Variants in DDX43 observed in about 807,000 individuals in gnomAD.
DDX43 encodes probable ATP-dependent RNA helicase DDX43.
DDX43 carries 50 observed loss-of-function variants against 84.9 expected under a neutral mutation model. The observed-to-expected ratio is 0.59, with a 90% CI of 0.47 to 0.75. The LOEUF (loss-of-function observed/expected upper bound fraction) is 0.75. DDX43 is among the 30% of genes least tolerant of loss of function. DDX43 has a pLI of 0.00. For synonymous variants in DDX43, 291 were observed against 266.3 expected, an observed-to-expected ratio of 1.09 and a Z score of -0.90; for missense variants, 689 against 798.6, an observed-to-expected ratio of 0.86 and a Z score of 1.65.
intron 6 of DDX43, among the ~76,000 whole-genome samples, 190 bp downstream of exon 6, chr6:73,406,025 C>CT (rs149776059): frequency 0.024 from 3,218 of 135,628 alleles, 106 homozygotes; most frequent in African/African-American, 0.074. Context: ...AAAATATGTA[C>CT]TTTTTTTTTT....
intron 11 of DDX43, among the ~76,000 whole-genome samples, chr6:73,412,650 TGTGTGTGTGTGTGTGTGTGCGCGCGCGC>T (rs1171942704): frequency 1.2e-5 from 1 of 82,980 alleles, no homozygotes; most frequent in East Asian, 3.4e-4. Context: ...TGTGTGTGTG[TGTGTGTGTGTGTGTGTGTGCGCGCGCGC>T]GTGTGTGTGT....
At chr6:73,395,708 T>A (rs1769457441) in intron 1 of DDX43, among the ~76,000 whole-genome samples, 2 of 151,324 alleles carry the variant, frequency 1.3e-5, no homozygotes, top group African/African-American at 4.9e-5. Context: ...ACTTATGAAA[T>A]CTTAGGGCTG....
intron 11 of DDX43, among the ~76,000 whole-genome samples, chr6:73,413,074 A>G (rs1025450155): frequency 1.3e-5 from 2 of 152,182 alleles, no homozygotes; most frequent in Non-Finnish European, 2.9e-5. Flanking sequence ...ACCCTGTTAG[A>G]ATCAGGGTCT....
Position 73,394,848 on chromosome 6 carries a change from C to G in DDX43, c.-58C>G. The G allele has an allele frequency of 6.3e-7, 1 of 1,586,354 alleles. No homozygotes were observed. Among genetic ancestry groups the G allele is most frequent in the Non-Finnish European group, 8.6e-7 (1 of 1,165,920 alleles). On this transcript the variant is annotated 5_prime_UTR_variant, in exon 1 of 17. Coordinates refer to ENST00000370336, the MANE Select transcript of DDX43 (RefSeq NM_018665.3). Reference sequence around the variant, plus strand: ...CTGGCACGCTACTCTTACGACGTCACGGTCAGGTGGTGCAGAGCTGGACGG... The same window carrying G: ...CTGGCACGCTACTCTTACGACGTCAGGGTCAGGTGGTGCAGAGCTGGACGG...
At chr6:73,411,333 CT>C (rs55782182) in intron 10 of DDX43, among the ~76,000 whole-genome samples, 3,478 of 141,096 alleles carry the variant, frequency 0.025, 49 homozygotes, top group South Asian at 0.063. Context: ...TCTTTTCTTT[CT>C]TTTTTTTTTT....
intron 9 of DDX43, 91 bp downstream of exon 9, chr6:73,408,192 T>G: frequency 7.3e-7 from 1 of 1,372,384 alleles, no homozygotes; most frequent in Non-Finnish European, 1.0e-6. Context: ...CCGAGCACTT[T>G]GGGAGGCCGA....
At chr6:73,414,431 T>C in intron 13 of DDX43, 117 bp from the exon 14 acceptor site, 1 of 949,348 alleles carries the variant, frequency 1.1e-6, no homozygotes. Flanking sequence ...AAGTAAGCAT[T>C]TTAATGTAAA....
At chr6:73,402,127 C>G (rs1769587003) in intron 4 of DDX43, 137 bp downstream of exon 4, 3 of 1,084,212 alleles carry the variant, frequency 2.8e-6, no homozygotes, top group Admixed American at 2.6e-5. Context: ...GCAATTAGTC[C>G]CTAGGTTATG....
At chr6:73,398,564 C>T (rs894200021) in intron 2 of DDX43, among the ~76,000 whole-genome samples, 2 of 142,786 alleles carry the variant, frequency 1.4e-5, no homozygotes, top group East Asian at 1.9e-4. Flanking sequence ...AGGTAAAAAT[C>T]GTTAGAGATA....
chr6:73,398,984 C>T (rs571899148), intron 2 of DDX43, among the ~76,000 whole-genome samples: 1 of 152,236 alleles, frequency 6.6e-6, no homozygotes, highest in Non-Finnish European at 1.5e-5. Flanking sequence ...CTTGCTCTGT[C>T]GCCCAGGCTG....
intron 1 of DDX43, among the ~76,000 whole-genome samples, chr6:73,396,355 C>G (rs771281969): frequency 5.3e-5 from 8 of 152,162 alleles, no homozygotes; most frequent in Non-Finnish European, 1.0e-4. Flanking sequence ...GTGTATTTCA[C>G]CCTTTTTAAA....
chr6:73,401,801 CAAAAAAAAAAA>C (rs60478350), intron 3 of DDX43, 47 bp from the exon 4 acceptor site: 3 of 1,086,860 alleles, frequency 2.8e-6, no homozygotes, highest in Non-Finnish European at 3.6e-6. Context: ...GACTCCATCT[CAAAAAAAAAAA>C]AAAAAAAAAA....
intron 1 of DDX43, 89 bp downstream of exon 1, chr6:73,395,244 C>T (rs1719460206): frequency 7.0e-7 from 1 of 1,431,528 alleles, no homozygotes; most frequent in Non-Finnish European, 9.3e-7. Flanking sequence ...GCCTCACCTC[C>T]AATCAGCTGC....
In DDX43 at chr6:73,407,949, T is replaced by C; in HGVS notation, c.1038-11T>C. The stretch of plus-strand genomic sequence containing the variant: ...GCCTAAACATTAACCTTTAGATTTT[T>C]TCTTTTTAAGTGTTTGTGTATATGG... On this transcript the variant is annotated splice_polypyrimidine_tract_variant and intron_variant, in intron 8 of 16. Transcript: ENST00000370336. 1 of 1,606,306 alleles carries C rather than the reference T, an allele frequency of 6.2e-7. No homozygotes were observed.
intron 11 of DDX43, among the ~76,000 whole-genome samples, chr6:73,412,680 T>TGCAC (rs1213873717): frequency 9.2e-6 from 1 of 108,516 alleles, no homozygotes; most frequent in African/African-American, 3.4e-5. Context: ...CGCGCGCGCG[T>TGCAC]GTGTGTGTGT....
In DDX43 at chr6:73,408,030, A is replaced by G. The variant is rs778459760; in HGVS notation, c.1108A>G (p.Ile370Val). The G allele has an allele frequency of 2.5e-6, 4 of 1,612,534 alleles. No individual in the cohort carries two copies. In the South Asian group the frequency reaches 4.4e-5, roughly 18 times the overall value. ...GCTTAAAAAAGGTGTAGATATCATA[A>G]TTGCAACTCCCGGAAGATTGAATGA... ...EELKKGVDII[I>V]ATPGRLNDLQ... The change falls in exon 9 of 17, where the codon ATT becomes GTT. Residue 370 changes from isoleucine (I) to valine (V), a missense_variant. Transcript: ENST00000370336.
chr6:73,402,059 G>A, intron 4 of DDX43, 69 bp downstream of exon 4: 1 of 1,564,820 alleles, frequency 6.4e-7, no homozygotes, highest in Non-Finnish European at 8.7e-7. Context: ...TCTGTACAAT[G>A]TCTGTGCTTT....
At position 73,395,031 on chromosome 6, in the gene DDX43, A is replaced by T. The variant is rs910454786; in HGVS notation, c.126A>T (p.Gly42=). 6.2e-7 allele frequency: 1 copy of T among 1,614,200 alleles called. No homozygotes were observed. The highest frequency in any genetic ancestry group is 2.2e-5 in the East Asian group (1 of 44,880). Residue 42 remains glycine (G), a synonymous_variant, in exon 1 of 17, where the codon GGA becomes GGT. Coordinates refer to ENST00000370336, the MANE Select transcript of DDX43 (RefSeq NM_018665.3). Reference sequence around the variant, plus strand: ...AGTTGAATCGAACAGGTCCTGAGGGATATAGTGTCGGCAGAGGTGGTCGCT... The same window carrying T: ...AGTTGAATCGAACAGGTCCTGAGGGTTATAGTGTCGGCAGAGGTGGTCGCT... ...AEELNRTGPE[G]YSVGRGGRWR...
At chr6:73,404,808 T>TACAA in intron 5 of DDX43, 37 bp downstream of exon 5, 1 of 1,480,244 alleles carries the variant, frequency 6.8e-7, no homozygotes, top group Non-Finnish European at 9.4e-7. Flanking sequence ...TAAGTATTTG[T>TACAA]ATAGTTACGT....
Sources: gnomAD v4.1 joint callset for allele counts (sites outside exome capture counted in the v4.1 genomes callset) on GRCh38, gnomAD v4.1.1 for gene constraint, MANE v1.5 for transcripts, NCBI Gene and HGNC (gene_info 2026-07-23, HGNC 2026-07-21) for gene names.